The following LRTM2 variants were observed in gnomAD, a reference collection of about 807,000 sequenced individuals.
LRTM2 encodes the protein leucine-rich repeat and transmembrane domain-containing protein 2.
A neutral mutation model predicts 28.1 loss-of-function variants in LRTM2; 18 were observed. That is an observed-to-expected ratio of 0.64 (90% CI 0.44 to 0.95). The LOEUF (loss-of-function observed/expected upper bound fraction) is 0.95, where lower values mean the gene tolerates loss of function less well. Ranked by LOEUF, LRTM2 falls within the 40% of genes least tolerant of loss-of-function variation. The pLI is 0.00. For synonymous variants in LRTM2, 250 were observed against 218.7 expected, an observed-to-expected ratio of 1.14 and a Z score of -1.26; for missense variants, 436 against 497.2, an observed-to-expected ratio of 0.88 and a Z score of 1.17.
chr12:1,834,950 T>G lies in LRTM2; in HGVS notation c.*229T>G, dbSNP rs1297509436. 1.3e-6 allele frequency: 1 copy of G among 741,602 alleles called. No homozygotes were observed. The highest frequency in any genetic ancestry group is 1.8e-5 in the African/African-American group (1 of 56,332). 45.9% of individuals were successfully genotyped at this position (741,602 alleles called of 1,614,324 possible). A position where few individuals can be genotyped will look rare whatever the true frequency, so the allele number is the denominator to read the frequency against. Reference sequence around the variant, plus strand: ...TGCTCCTGTCTGGGCCAGTAAATCTTTGGAACATGTGGGGGATCTCCCTAA... The same window carrying G: ...TGCTCCTGTCTGGGCCAGTAAATCTGTGGAACATGTGGGGGATCTCCCTAA... On this transcript the variant is annotated 3_prime_UTR_variant, in exon 5 of 5. Coordinates refer to ENST00000299194, the MANE Select transcript of LRTM2 (RefSeq NM_001039029.3). The surrounding 1 kb of genome is among the most constrained non-coding windows in gnomAD (Gnocchi z 7.6).
Position 1,834,904 on chromosome 12 carries a change from C to T in LRTM2, c.*183C>T, listed in dbSNP as rs934695759. On this transcript the variant is annotated 3_prime_UTR_variant, in exon 5 of 5. Transcript: ENST00000299194. This position sits in a 1 kb window ranked among gnomAD's most constrained non-coding sequence, Gnocchi z 7.6. Reference sequence around the variant, plus strand: ...ACTTTCGAGGCTCCCTGAAAGCCACCGTGCTGGGGGCTCCTGCTGATGCTC... The same window carrying T: ...ACTTTCGAGGCTCCCTGAAAGCCACTGTGCTGGGGGCTCCTGCTGATGCTC... 9 of 1,163,702 alleles carry T rather than the reference C, an allele frequency of 7.7e-6. No individual in the cohort carries two copies. The highest frequency in any genetic ancestry group is 3.0e-4 in the Middle Eastern group (1 of 3,372). The allele number at this position is 1,163,702 out of a possible 1,614,324, so 72.1% of individuals were successfully genotyped here.
At chr12:1,827,132 G>A (rs1327839584) in intron 1 of LRTM2, among the ~76,000 whole-genome samples, 1 of 151,708 alleles carries the variant, frequency 6.6e-6, no homozygotes, top group African/African-American at 2.4e-5. Context: ...CTCCCTCCCT[G>A]CCCATCCCCG....
intron 1 of LRTM2, among the ~76,000 whole-genome samples, chr12:1,821,876 C>CGGGT (rs1565686091): frequency 6.6e-6 from 1 of 151,988 alleles, no homozygotes; most frequent in African/African-American, 2.4e-5. Context: ...TGTTGGCACC[C>CGGGT]GGCTGTCAGG....
chr12:1,821,621 G>A (rs1027270594), intron 1 of LRTM2, among the ~76,000 whole-genome samples: 2 of 152,168 alleles, frequency 1.3e-5, no homozygotes, highest in East Asian at 3.9e-4. Flanking sequence ...GAGCTTGGGT[G>A]GGGGGTACAC....
At position 1,834,208 on chromosome 12, in the gene LRTM2, G is replaced by A; in HGVS notation, c.659-59G>A. The A allele has an allele frequency of 6.6e-7, 1 of 1,508,268 alleles. No homozygotes were observed. Among genetic ancestry groups the A allele is most frequent in the Non-Finnish European group, 8.9e-7 (1 of 1,128,748 alleles). The allele number at this position is 1,508,268 out of a possible 1,614,324, so 93.4% of individuals were successfully genotyped here. ...TCCGTTTTGGGGAGCTGGGGATGGG[G>A]AGAGGGAGTGCAAGTTCTAGATGCC... On this transcript the variant is annotated intron_variant, in intron 4 of 4. Transcript: ENST00000299194. This position sits in a 1 kb window ranked among gnomAD's most constrained non-coding sequence, Gnocchi z 7.6.
intron 1 of LRTM2, among the ~76,000 whole-genome samples, chr12:1,821,861 G>C (rs1381553595): frequency 1.3e-5 from 2 of 152,090 alleles, no homozygotes; most frequent in Non-Finnish European, 2.9e-5. Flanking sequence ...CACATTTCTG[G>C]GGGGTGTTGG....
Position 1,828,814 on chromosome 12 carries a change from A to G in LRTM2, c.67+599A>G, listed in dbSNP as rs1407722623. 2.0e-5 allele frequency among the ~76,000 whole-genome samples: 3 copies of G among 152,134 alleles called. No individual in the cohort carries two copies. The highest frequency in any genetic ancestry group is 4.4e-5 in the Non-Finnish European group (3 of 68,024). On this transcript the variant is annotated intron_variant, in intron 3 of 4. Coordinates refer to ENST00000299194, the MANE Select transcript of LRTM2 (RefSeq NM_001039029.3). The surrounding 1 kb of genome is among the most constrained non-coding windows in gnomAD (Gnocchi z 4.2). The stretch of plus-strand genomic sequence containing the variant: ...AGGCAGACTGAGCCGTCCATTTACC[A>G]AAAAGGGGAGGAAGCGTGAATGAAG...
At position 1,829,617 on chromosome 12, in the gene LRTM2, C is replaced by T. The variant is rs1205569520; in HGVS notation, c.68-1318C>T. ...TCTCATCCTGTTCCTTCAAGCTCCACCCTTTGGGACAGCAGACACCCAGAC... is the reference window on the plus strand; with the variant it reads ...TCTCATCCTGTTCCTTCAAGCTCCATCCTTTGGGACAGCAGACACCCAGAC... On this transcript the variant is annotated intron_variant, in intron 3 of 4. Transcript: ENST00000299194. The surrounding 1 kb of genome is among the most constrained non-coding windows in gnomAD (Gnocchi z 4.2). Among the ~76,000 whole-genome samples, 2 of 151,818 alleles carry T rather than the reference C, an allele frequency of 1.3e-5. No homozygotes were observed. Among genetic ancestry groups the T allele is most frequent in the Non-Finnish European group, 2.9e-5 (2 of 67,940 alleles).
At chr12:1,825,445 T>A (rs550202112) in intron 1 of LRTM2, among the ~76,000 whole-genome samples, 1 of 152,324 alleles carries the variant, frequency 6.6e-6, no homozygotes, top group East Asian at 1.9e-4. Flanking sequence ...GGTTAGGGAC[T>A]GCTCTGCAGG....
Position 1,834,445 on chromosome 12 carries a change from C to T in LRTM2, c.837C>T (p.Pro279=), listed in dbSNP as rs1156684165. The T allele has an allele frequency of 2.5e-6, 4 of 1,612,236 alleles. No individual in the cohort carries two copies. Among genetic ancestry groups the T allele is most frequent in the African/African-American group, 1.3e-5 (1 of 74,930 alleles). ...CTKASPEPAK[P]KPGAEPEPEP... is the part of the protein sequence containing the mutation. ...AGGCCAGTCCAGAGCCTGCTAAGCC[C>T]AAGCCCGGGGCTGAGCCGGAGCCGG... Residue 279 remains proline, a synonymous_variant, in exon 5 of 5, where the codon CCC becomes CCT. Transcript: ENST00000299194. This position sits in a 1 kb window ranked among gnomAD's most constrained non-coding sequence, Gnocchi z 7.6.
At position 1,828,033 on chromosome 12, in the gene LRTM2, G is replaced by A. The variant is rs1218430536; in HGVS notation, c.-73-43G>A. On this transcript the variant is annotated intron_variant, in intron 2 of 4. Transcript: ENST00000299194. The surrounding 1 kb of genome is among the most constrained non-coding windows in gnomAD (Gnocchi z 4.2). ...CTCCCTAACCCCTGGGCTGGAACGG[G>A]GCTCCCGCGCCTGCCTGTGCTCAGT... The A allele has an allele frequency of 8.4e-6, 8 of 950,590 alleles. No individual in the cohort carries two copies. The highest frequency in any genetic ancestry group is 4.1e-5 in the South Asian group (2 of 48,462). The allele number at this position is 950,590 out of a possible 1,614,324, so 58.9% of individuals were successfully genotyped here.
At chr12:1,824,945 C>T (rs1279105081) in intron 1 of LRTM2, among the ~76,000 whole-genome samples, 2 of 152,198 alleles carry the variant, frequency 1.3e-5, no homozygotes, top group East Asian at 1.9e-4. Flanking sequence ...AGGAGGAAGC[C>T]CAAGGGACCC....
At chr12:1,822,047 C>G (rs1864126019) in intron 1 of LRTM2, 1 of 152,068 alleles carries the variant, frequency 6.6e-6, no homozygotes, top group Non-Finnish European at 1.5e-5. Flanking sequence ...CCAAGAAGAG[C>G]CCAGCTTTTC....
intron 1 of LRTM2, among the ~76,000 whole-genome samples, chr12:1,826,344 G>A (rs1177454630): frequency 2.6e-5 from 4 of 151,828 alleles, no homozygotes; most frequent in Non-Finnish European, 5.9e-5. Context: ...AAGAAGCTGA[G>A]GCCCAGAGGC....
intron 1 of LRTM2, among the ~76,000 whole-genome samples, chr12:1,823,625 C>G (rs948857074): frequency 6.6e-6 from 1 of 151,906 alleles, no homozygotes; most frequent in Non-Finnish European, 1.5e-5. Context: ...CAGCACACAA[C>G]CCCCAGCCAG....
At position 1,828,600 on chromosome 12, in the gene LRTM2, G is replaced by A. The variant is rs955394840; in HGVS notation, c.67+385G>A. 1.3e-5 allele frequency among the ~76,000 whole-genome samples: 2 copies of A among 152,224 alleles called. No homozygotes were observed. Among genetic ancestry groups the A allele is most frequent in the Non-Finnish European group, 2.9e-5 (2 of 68,030 alleles). ...TTGTCGGCCTGTGTCACAGACTGCG[G>A]CGAGCCCTTTTGCTCCCGTGGGGAA... On this transcript the variant is annotated intron_variant, in intron 3 of 4. Transcript: ENST00000299194. This position sits in a 1 kb window ranked among gnomAD's most constrained non-coding sequence, Gnocchi z 4.2.
chr12:1,823,864 C>T (rs929419309), intron 1 of LRTM2, among the ~76,000 whole-genome samples: 4 of 152,200 alleles, frequency 2.6e-5, no homozygotes, highest in Non-Finnish European at 1.5e-5. Context: ...AGAGGAAAGG[C>T]GGCATCTTCC....
chr12:1,823,003 C>G (rs1235863627), intron 1 of LRTM2, among the ~76,000 whole-genome samples: 1 of 152,208 alleles, frequency 6.6e-6, no homozygotes, highest in African/African-American at 2.4e-5. Context: ...TCTCTCTGGC[C>G]TTCTGCAGAG....
rs371316689 is a variant in LRTM2, at chr12:1,834,542, A to G, written c.934A>G (p.Ile312Val). 20 of 1,604,320 alleles carry G rather than the reference A, an allele frequency of 1.2e-5. No homozygotes were observed. Among genetic ancestry groups the G allele is most frequent in the Non-Finnish European group, 1.6e-5 (19 of 1,179,916 alleles). ...ASVRRAMGTV[I>V]IAGVVCGVVC... ...CGTGAGGCGAGCCATGGGCACGGTG[A>G]TCATTGCAGGGGTCGTGTGCGGCGT... The change falls in exon 5 of 5, where the codon ATC (isoleucine) becomes GTC (valine). Residue 312 changes from isoleucine to valine, a missense_variant. Coordinates refer to ENST00000299194, the MANE Select transcript of LRTM2 (RefSeq NM_001039029.3). The surrounding 1 kb of genome is among the most constrained non-coding windows in gnomAD (Gnocchi z 7.6).
Sources: allele counts gnomAD v4.1 joint callset (sites outside exome capture counted in the v4.1 genomes callset), GRCh38; gene constraint gnomAD v4.1.1; non-coding constraint Gnocchi (gnomAD v3.1); transcripts MANE v1.5; gene names NCBI Gene and HGNC (gene_info 2026-07-23, HGNC 2026-07-21).